Variants in CAST observed in about 807,000 individuals in gnomAD.
CAST encodes the protein MIR583 host.
In CAST, 76 loss-of-function variants were observed where a neutral mutation model predicts 119.6. The ratio of observed to expected loss-of-function variants is 0.64; its 90% confidence interval spans 0.53 to 0.77. CAST has a LOEUF of 0.77. Among genes scored for constraint, CAST ranks in the 30% least tolerant of loss-of-function variants. The pLI is 0.00. For synonymous variants in CAST, 319 were observed against 331.6 expected (o/e 0.96, Z 0.41); for missense variants, 953 against 946.5 (o/e 1.01, Z -0.09).
the CAST span, among the ~76,000 whole-genome samples, chr5:96,128,350 C>G: frequency 6.6e-6 from 1 of 152,006 alleles, no homozygotes; most frequent in Admixed American, 6.6e-5. Context: ...TGATTTTAGT[C>G]TGATTGATGT....
the CAST span, among the ~76,000 whole-genome samples, chr5:96,380,817 T>G: frequency 2.0e-5 from 3 of 152,194 alleles, no homozygotes; most frequent in African/African-American, 7.2e-5. Flanking sequence ...CATAACTCAG[T>G]GAATCAATGT....
rs561775082 is a variant in CAST at position 96,707,753 on chromosome 5, C to T, written c.210+11846C>T. 5.3e-5 allele frequency among the ~76,000 whole-genome samples: 8 copies of T among 152,228 alleles called. No individual in the cohort carries two copies. The South Asian group carries it at 8.3e-4, about 16-fold the overall frequency. ...TCAAAGTTGCCGTAACAGATTAAAG[C>T]GCTTAGTATGCAAGTATTCTCCCTG... On this transcript the variant is annotated intron_variant, in intron 3 of 31. Coordinates refer to ENST00000675179, the MANE Select transcript of CAST (RefSeq NM_001750.7).
At chr5:96,719,486 G>T (rs1757817937) in intron 3 of CAST, among the ~76,000 whole-genome samples, 1 of 152,190 alleles carries the variant, frequency 6.6e-6, no homozygotes, top group African/African-American at 2.4e-5. Flanking sequence ...AATAATAATT[G>T]TTGAATAGGC....
At chr5:96,480,296 G>C in the CAST span, among the ~76,000 whole-genome samples, 2 of 152,122 alleles carry the variant, frequency 1.3e-5, no homozygotes, top group Non-Finnish European at 2.9e-5. Flanking sequence ...ATTGAATACA[G>C]AAAATAAGTA....
In CAST at chr5:96,737,485, A is replaced by G. The variant is rs371617024; in HGVS notation, c.700-364A>G. Reference sequence around the variant, plus strand: ...AGCATTTCCCTTATCGCTTAGAGCAACATGGTTATAATTCCCTGTATTTTG... The same window carrying G: ...AGCATTTCCCTTATCGCTTAGAGCAGCATGGTTATAATTCCCTGTATTTTG... On this transcript the variant is annotated intron_variant, in intron 10 of 31. Transcript: ENST00000675179. Among the ~76,000 whole-genome samples, 13 of 152,344 alleles carry G rather than the reference A, an allele frequency of 8.5e-5. No individual in the cohort carries two copies. The South Asian group carries it at 1.2e-3, about 15-fold the overall frequency.
chr5:96,147,994 A>G, the CAST span, among the ~76,000 whole-genome samples: 1 of 152,250 alleles, frequency 6.6e-6, no homozygotes, highest in East Asian at 1.9e-4. Context: ...GTTTGGTTCA[A>G]TTTCATCATC....
chr5:96,059,598 G>A, the CAST span, among the ~76,000 whole-genome samples: 2 of 137,520 alleles, frequency 1.5e-5, no homozygotes, highest in Admixed American at 1.6e-4. Flanking sequence ...TAAGGGAGTG[G>A]TATGTGAAGG....
the CAST span, chr5:96,432,144 T>C: frequency 1.3e-6 from 2 of 1,535,324 alleles, no homozygotes; most frequent in South Asian, 1.2e-5. Flanking sequence ...ATCTCGACCC[T>C]GCAGTGGGAC....
At chr5:96,265,377 T>C in the CAST span, among the ~76,000 whole-genome samples, 121 of 152,164 alleles carry the variant, frequency 8.0e-4, no homozygotes, top group African/African-American at 2.7e-3. Context: ...TATAAGGAAT[T>C]GGAGACGCAG....
chr5:96,193,104 A>C, the CAST span, among the ~76,000 whole-genome samples: 1 of 152,190 alleles, frequency 6.6e-6, no homozygotes, highest in African/African-American at 2.4e-5. Context: ...CTTATGGAAA[A>C]ATTTTTATTG....
chr5:96,511,777 A>C, the CAST span, among the ~76,000 whole-genome samples: 1 of 152,244 alleles, frequency 6.6e-6, no homozygotes, highest in South Asian at 2.1e-4. Flanking sequence ...TGACCTAGAG[A>C]AAGACAAATC....
At chr5:96,210,545 T>C in the CAST span, among the ~76,000 whole-genome samples, 8 of 152,200 alleles carry the variant, frequency 5.3e-5, no homozygotes, top group South Asian at 1.2e-3. Flanking sequence ...TCCACTGATA[T>C]ATGTGTCTGC....
At chr5:96,384,034 A>G in the CAST span, among the ~76,000 whole-genome samples, 1 of 152,136 alleles carries the variant, frequency 6.6e-6, no homozygotes, top group South Asian at 2.1e-4. Context: ...TCTTTCAGAA[A>G]TGGATACTGG....
chr5:96,620,527 A>G (rs115959386), intron 1 of CAST, among the ~76,000 whole-genome samples: 4,862 of 152,306 alleles, frequency 0.032, 104 homozygotes, highest in Non-Finnish European at 0.047. Context: ...ACTCTGTACC[A>G]GATGATTTTG....
At chr5:96,694,913 T>G (rs1232535428) in intron 2 of CAST, among the ~76,000 whole-genome samples, 3 of 152,236 alleles carry the variant, frequency 2.0e-5, no homozygotes, top group Non-Finnish European at 4.4e-5. Flanking sequence ...AAACATACTA[T>G]TTTATAATTT....
chr5:96,685,909 G>C (rs575378992), intron 2 of CAST, among the ~76,000 whole-genome samples: 187 of 152,336 alleles, frequency 1.2e-3, no homozygotes, highest in Middle Eastern at 3.4e-3. Flanking sequence ...GGAGTGCATA[G>C]CATGGTGCGT....
At chr5:96,185,959 A>G in the CAST span, among the ~76,000 whole-genome samples, 4 of 152,160 alleles carry the variant, frequency 2.6e-5, no homozygotes, top group African/African-American at 7.2e-5. Context: ...CATTTTCAAC[A>G]TATTGATTCC....
intron 1 of CAST, among the ~76,000 whole-genome samples, chr5:96,573,384 A>G (rs1038463100): frequency 1.3e-5 from 2 of 152,092 alleles, no homozygotes; most frequent in Admixed American, 1.3e-4. Context: ...TAATCCCAAC[A>G]CTTTGGGAGG....
chr5:96,433,064 A>C, the CAST span: 145 of 1,610,122 alleles, frequency 9.0e-5, no homozygotes, highest in Non-Finnish European at 1.2e-4. Context: ...TCGCTTGAAC[A>C]AGAGTGGGAA....
Sources: gnomAD v4.1 joint callset for allele counts (sites outside exome capture counted in the v4.1 genomes callset) on GRCh38, gnomAD v4.1.1 for gene constraint, MANE v1.5 for transcripts, NCBI Gene and HGNC (gene_info 2026-07-23, HGNC 2026-07-21) for gene names.